Variants in ACSS3 observed in about 807,000 individuals in gnomAD.
The protein encoded by ACSS3 is acyl-CoA synthetase short chain family member 3.
ACSS3 carries 64 observed loss-of-function variants against 84.2 expected under a neutral mutation model. The observed-to-expected ratio is 0.76, with a 90% CI of 0.62 to 0.94. The LOEUF is 0.94. ACSS3 is among the 40% of genes least tolerant of loss of function. ACSS3 has a pLI of 0.00. For missense variants in ACSS3, 815 were observed against 867.6 expected, an observed-to-expected ratio of 0.94 and a Z score of 0.76; for synonymous variants, 317 against 310.1, an observed-to-expected ratio of 1.02 and a Z score of -0.23.
chr12:81,213,588 TCCCCTCC>T (rs1565723267), intron 9 of ACSS3, among the ~76,000 whole-genome samples: 11,620 of 23,358 alleles, frequency 0.5, 3,729 homozygotes, highest in Non-Finnish European at 0.54. Context: ...TCTCCTCCCC[TCCCCTCC>T]CCTCCCCTCC....
chr12:81,103,255 G>T (rs942128092), intron 1 of ACSS3, among the ~76,000 whole-genome samples: 1 of 152,154 alleles, frequency 6.6e-6, no homozygotes, highest in African/African-American at 2.4e-5. Flanking sequence ...AAGTGTGTTT[G>T]TATATAGAAA....
At chr12:81,148,832 C>A (rs1214921593) in intron 5 of ACSS3, among the ~76,000 whole-genome samples, 1 of 140,630 alleles carries the variant, frequency 7.1e-6, no homozygotes, top group Non-Finnish European at 1.5e-5. Context: ...AAGGCCGAGG[C>A]GGGCAGATCA....
At chr12:81,109,732 A>G (rs374545940) in intron 2 of ACSS3, 28 bp downstream of exon 2, 54 of 1,474,350 alleles carry the variant, frequency 3.7e-5, no homozygotes, top group Middle Eastern at 2.4e-4. Context: ...ATATATGTAT[A>G]TATGAATTCA....
At chr12:81,149,098 G>A (rs577590906) in intron 5 of ACSS3, among the ~76,000 whole-genome samples, 14 of 151,408 alleles carry the variant, frequency 9.2e-5, no homozygotes, top group African/African-American at 2.9e-4. Context: ...AAAAGAAAGT[G>A]CATATAGAAG....
At chr12:81,189,918 T>C (rs1361106555) in intron 8 of ACSS3, among the ~76,000 whole-genome samples, 1 of 152,142 alleles carries the variant, frequency 6.6e-6, no homozygotes, top group Non-Finnish European at 1.5e-5. Flanking sequence ...TCAATTTCGA[T>C]TTATTTAAAT....
At position 81,078,438 on chromosome 12, in the gene ACSS3, G is replaced by A. The variant is rs1177585487; in HGVS notation, c.311+7G>A. The A allele has an allele frequency of 1.2e-6, 2 of 1,611,648 alleles. No individual in the cohort carries two copies. Among genetic ancestry groups the A allele is most frequent in the Admixed American group, 3.3e-5 (2 of 59,966 alleles). On this transcript the variant is annotated splice_region_variant and intron_variant, in intron 1 of 15. Coordinates refer to ENST00000548058, the MANE Select transcript of ACSS3 (RefSeq NM_024560.4). ...ACTCGCCCTCTACCAGGTGGTGAGT[G>A]ACTTCTGTGCCAACCCTGATCCCCC...
In ACSS3 at chr12:81,199,587, A is replaced by T. The variant is rs1366995710; in HGVS notation, c.1354+143A>T. 11 of 1,479,682 alleles carry T rather than the reference A, an allele frequency of 7.4e-6. No individual in the cohort carries two copies. The East Asian group carries it at 2.5e-4, about 33-fold the overall frequency. 91.7% of individuals were successfully genotyped at this position (1,479,682 alleles called of 1,614,324 possible). ...GGTTCAGGTTTCAGTAAAAATAAGC[A>T]ATTTTTTTATTGTTGTGTTATTAAT... is the stretch of plus-strand genomic sequence containing the variant. On this transcript the variant is annotated intron_variant, in intron 9 of 15. Transcript: ENST00000548058.
chr12:81,115,227 T>C (rs1364002083), intron 2 of ACSS3, among the ~76,000 whole-genome samples: 2 of 152,168 alleles, frequency 1.3e-5, no homozygotes, highest in Admixed American at 1.3e-4. Context: ...TATGCCCACG[T>C]TGGACATGAG....
intron 1 of ACSS3, among the ~76,000 whole-genome samples, chr12:81,086,641 C>A (rs1484463783): frequency 6.6e-6 from 1 of 152,156 alleles, no homozygotes. Context: ...AGGTGGCTTA[C>A]TTTTCTTTTG....
At chr12:81,086,814 T>G (rs905528304) in intron 1 of ACSS3, among the ~76,000 whole-genome samples, 5 of 152,164 alleles carry the variant, frequency 3.3e-5, no homozygotes, top group African/African-American at 4.8e-5. Flanking sequence ...GTGTGACATT[T>G]GTAAGAAAAA....
chr12:81,148,640 G>A (rs959195489), intron 5 of ACSS3, among the ~76,000 whole-genome samples: 3 of 151,976 alleles, frequency 2.0e-5, no homozygotes, highest in Admixed American at 6.6e-5. Flanking sequence ...TTCAAGTTCC[G>A]CAGACATCTT....
chr12:81,224,444 T>G (rs1430630050), intron 11 of ACSS3, among the ~76,000 whole-genome samples: 1 of 151,926 alleles, frequency 6.6e-6, no homozygotes, highest in African/African-American at 2.4e-5. Context: ...GTAGCTCATA[T>G]GCACCTAATG....
chr12:81,127,764 T>C (rs1374477493), intron 2 of ACSS3, among the ~76,000 whole-genome samples: 1 of 152,152 alleles, frequency 6.6e-6, no homozygotes, highest in Admixed American at 6.5e-5. Flanking sequence ...GCATTTTTAC[T>C]ACAATTTGGA....
At chr12:81,245,646 A>G (rs182145732) in intron 13 of ACSS3, among the ~76,000 whole-genome samples, 108 of 152,212 alleles carry the variant, frequency 7.1e-4, no homozygotes, top group Admixed American at 2.2e-3. Context: ...GGGTTTTACA[A>G]CCTTGGCACT....
At chr12:81,169,274 A>T (rs1295080062) in intron 7 of ACSS3, among the ~76,000 whole-genome samples, 1 of 152,208 alleles carries the variant, frequency 6.6e-6, no homozygotes, top group Non-Finnish European at 1.5e-5. Context: ...GATTGTATTT[A>T]TAAGTAAATT....
chr12:81,094,427 G>A lies in ACSS3; in HGVS notation c.312-15133G>A, dbSNP rs1041447741. On this transcript the variant is annotated intron_variant, in intron 1 of 15. Transcript: ENST00000548058. ...GTTTCAGATCTTTTTATCATAAGCAGTAAAACATTACAGACACAATTGACG... is the reference window on the plus strand; with the variant it reads ...GTTTCAGATCTTTTTATCATAAGCAATAAAACATTACAGACACAATTGACG... 13 of 152,230 alleles carry A rather than the reference G, an allele frequency of 8.5e-5. No individual in the cohort carries two copies. The South Asian group carries it at 2.7e-3, about 32-fold the overall frequency. 9.4% of individuals were successfully genotyped at this position (152,230 alleles called of 1,614,324 possible). A position where few individuals can be genotyped will look rare whatever the true frequency, so the allele number is the denominator to read the frequency against.
At chr12:81,153,796 T>C (rs1224892991) in intron 7 of ACSS3, among the ~76,000 whole-genome samples, 1 of 152,222 alleles carries the variant, frequency 6.6e-6, no homozygotes, top group Non-Finnish European at 1.5e-5. Flanking sequence ...TCTCAATCTT[T>C]CTGGAATACT....
intron 1 of ACSS3, among the ~76,000 whole-genome samples, chr12:81,094,958 C>G (rs1280619759): frequency 6.6e-6 from 1 of 152,062 alleles, no homozygotes; most frequent in East Asian, 1.9e-4. Flanking sequence ...TCTCTTTCTT[C>G]TCCTTCTCCT....
At chr12:81,132,764 G>A (rs1885587069) in intron 2 of ACSS3, among the ~76,000 whole-genome samples, 1 of 152,010 alleles carries the variant, frequency 6.6e-6, no homozygotes, top group Non-Finnish European at 1.5e-5. Context: ...TGTGGGCCTT[G>A]GTTGAATGTC....
Sources: allele counts gnomAD v4.1 joint callset (sites outside exome capture counted in the v4.1 genomes callset), GRCh38; gene constraint gnomAD v4.1.1; transcripts MANE v1.5; gene names NCBI Gene and HGNC (gene_info 2026-07-23, HGNC 2026-07-21).